DPP10: variants seen among roughly 807,000 people sequenced by gnomAD.
DPP10 encodes the protein inactive dipeptidyl peptidase 10.
In DPP10, 33 loss-of-function variants were observed where a neutral mutation model predicts 120.9. That is an observed-to-expected ratio of 0.27 (90% confidence interval 0.21 to 0.37). The LOEUF (loss-of-function observed/expected upper bound fraction) is 0.37. DPP10 is among the 10% of genes least tolerant of loss of function. The pLI is 1.00. For synonymous variants in DPP10, 337 were observed against 326.1 expected, an observed-to-expected ratio of 1.03 and a Z score of -0.36; for missense variants, 816 against 942.8, an observed-to-expected ratio of 0.87 and a Z score of 1.76.
At chr2:115,629,872 T>C (rs998591442) in intron 5 of DPP10, among the ~76,000 whole-genome samples, 11 of 152,300 alleles carry the variant, frequency 7.2e-5, no homozygotes, top group African/African-American at 2.6e-4. Context: ...AGAATTGTCT[T>C]GGCTATGCGG....
At chr2:114,858,502 A>G (rs1689547753) in intron 1 of DPP10, among the ~76,000 whole-genome samples, 1 of 152,236 alleles carries the variant, frequency 6.6e-6, no homozygotes, top group South Asian at 2.1e-4. Flanking sequence ...TCTCCTAGCC[A>G]ACAGATTTCT....
intron 1 of DPP10, among the ~76,000 whole-genome samples, chr2:115,247,921 C>G (rs555933394): frequency 4.3e-4 from 66 of 152,174 alleles, no homozygotes; most frequent in African/African-American, 1.5e-3. Context: ...TATGACTCAC[C>G]ATTTAGTTTA....
At chr2:115,313,354 G>A (rs1027145283) in intron 2 of DPP10, among the ~76,000 whole-genome samples, 12 of 152,110 alleles carry the variant, frequency 7.9e-5, no homozygotes, top group African/African-American at 2.7e-4. Flanking sequence ...TAAAATGTGA[G>A]GTGATCTCTT....
At chr2:115,068,560 C>G (rs1707115342) in intron 1 of DPP10, among the ~76,000 whole-genome samples, 1 of 152,104 alleles carries the variant, frequency 6.6e-6, no homozygotes, top group South Asian at 2.1e-4. Context: ...TATACAGAAG[C>G]TTTTTAGTTG....
intron 1 of DPP10, among the ~76,000 whole-genome samples, chr2:114,688,280 G>A (rs1699501934): frequency 6.6e-6 from 1 of 151,876 alleles, no homozygotes; most frequent in Non-Finnish European, 1.5e-5. Flanking sequence ...TGTATCTCCT[G>A]AATCTAAAAT....
chr2:114,919,347 A>AC (rs1369717898), intron 1 of DPP10, among the ~76,000 whole-genome samples: 2 of 152,186 alleles, frequency 1.3e-5, no homozygotes, highest in Admixed American at 1.3e-4. Flanking sequence ...TGCTTCCTAA[A>AC]CGACAGAGCT....
chr2:114,740,827 A>AC (rs1348422688), intron 1 of DPP10, among the ~76,000 whole-genome samples: 1 of 152,190 alleles, frequency 6.6e-6, no homozygotes, highest in African/African-American at 2.4e-5. Context: ...AGTCGTTTAA[A>AC]TTTGGGGTCC....
intron 5 of DPP10, among the ~76,000 whole-genome samples, chr2:115,676,580 TA>T: frequency 6.6e-6 from 1 of 152,180 alleles, no homozygotes; most frequent in African/African-American, 2.4e-5. Flanking sequence ...ATCAATAGAC[TA>T]AATTAAGTAG....
chr2:115,635,200 C>T (rs2086226099), intron 5 of DPP10, among the ~76,000 whole-genome samples: 1 of 150,446 alleles, frequency 6.6e-6, no homozygotes, highest in African/African-American at 2.5e-5. Context: ...CCATCTTAGG[C>T]AGCATGCAGC....
At chr2:115,292,204 C>T (rs542945197) in intron 1 of DPP10, among the ~76,000 whole-genome samples, 1 of 152,190 alleles carries the variant, frequency 6.6e-6, no homozygotes, top group African/African-American at 2.4e-5. Flanking sequence ...AGGAATGAAT[C>T]CCTTCAGTAA....
intron 1 of DPP10, among the ~76,000 whole-genome samples, chr2:114,589,351 T>C (rs1468601604): frequency 6.6e-6 from 1 of 152,194 alleles, no homozygotes; most frequent in African/African-American, 2.4e-5. Flanking sequence ...GCTGAAAATA[T>C]CACGTGGTTT....
intron 7 of DPP10, among the ~76,000 whole-genome samples, chr2:115,726,621 C>G (rs1183627714): frequency 6.6e-6 from 1 of 152,064 alleles, no homozygotes; most frequent in East Asian, 1.9e-4. Flanking sequence ...TATTGAGATT[C>G]TCACCTGTGG....
chr2:115,501,872 T>G (rs2076699737), intron 4 of DPP10, among the ~76,000 whole-genome samples: 1 of 152,106 alleles, frequency 6.6e-6, no homozygotes, highest in African/African-American at 2.4e-5. Context: ...GAAACTCTGT[T>G]GAAAAATATA....
In DPP10 at chr2:114,552,073, C is replaced by T. The variant is rs113744717; in HGVS notation, c.60+109235C>T. Among the ~76,000 whole-genome samples the T allele has an allele frequency of 5.2e-4, 79 of 152,212 alleles. 1 individual carries two copies. Among genetic ancestry groups the T allele is most frequent in the African/African-American group, 1.8e-3 (75 of 41,546 alleles). ...ACCAGAAGTTGTTTCGGCTAGGTAC[C>T]GGCAGAGACAACATGGTACAGTGGA... On this transcript the variant is annotated intron_variant, in intron 1 of 25. Coordinates refer to ENST00000410059, the MANE Select transcript of DPP10 (RefSeq NM_020868.6).
At chr2:114,563,622 C>T (rs1688946823) in intron 1 of DPP10, among the ~76,000 whole-genome samples, 2 of 152,300 alleles carry the variant, frequency 1.3e-5, no homozygotes, top group Admixed American at 1.3e-4. Flanking sequence ...CTCAAGTTAA[C>T]AATACAGCCA....
chr2:115,396,833 T>C (rs1165511887), intron 3 of DPP10, among the ~76,000 whole-genome samples: 4 of 152,024 alleles, frequency 2.6e-5, no homozygotes, highest in African/African-American at 9.7e-5. Flanking sequence ...CACTCATATA[T>C]CATTAAAGGA....
chr2:115,571,051 T>C (rs2149089378), intron 5 of DPP10, among the ~76,000 whole-genome samples: 1 of 152,294 alleles, frequency 6.6e-6, no homozygotes, highest in South Asian at 2.1e-4. Flanking sequence ...ACACATCTAA[T>C]GTCTGAAGAA....
chr2:115,822,160 G>A (rs1687879573), intron 21 of DPP10, among the ~76,000 whole-genome samples: 1 of 151,794 alleles, frequency 6.6e-6, no homozygotes, highest in Admixed American at 6.6e-5. Context: ...GCTTCATATA[G>A]GTATATTTTA....
intron 1 of DPP10, among the ~76,000 whole-genome samples, chr2:114,525,299 C>A (rs1449033328): frequency 1.3e-5 from 2 of 152,220 alleles, no homozygotes; most frequent in East Asian, 1.9e-4. Context: ...ATTTTAGGCA[C>A]CTTAATGTAA....
Sources: gnomAD v4.1 joint callset for allele counts (sites outside exome capture counted in the v4.1 genomes callset) on GRCh38, gnomAD v4.1.1 for gene constraint, MANE v1.5 for transcripts, NCBI Gene and HGNC (gene_info 2026-07-23, HGNC 2026-07-21) for gene names.